ANKRD10: variants seen among roughly 807,000 people sequenced by gnomAD.
ANKRD10 encodes ankyrin repeat domain 10, also known as ankyrin repeat domain-containing protein 10.
ANKRD10 carries 14 observed loss-of-function variants against 27.0 expected under a neutral mutation model. The ratio of observed to expected loss-of-function variants is 0.52; its 90% confidence interval spans 0.34 to 0.81. The LOEUF (loss-of-function observed/expected upper bound fraction) is 0.81. Ranked by LOEUF, ANKRD10 falls within the 40% of genes least tolerant of loss-of-function variation. ANKRD10 has a pLI of 0.01. For synonymous variants in ANKRD10, 250 were observed against 224.5 expected (o/e 1.11, Z -1.01); for missense variants, 493 against 544.0 (o/e 0.91, Z 0.93).
chr13:110,891,945 T>G (rs2065086094), intron 4 of ANKRD10, among the ~76,000 whole-genome samples: 1 of 146,292 alleles, frequency 6.8e-6, no homozygotes, highest in Admixed American at 6.9e-5. Context: ...ACTCCTGAGC[T>G]CAAGTAATCC....
In ANKRD10 at chr13:110,878,623, CATTT is replaced by C. The variant is rs1190287647; in HGVS notation, c.*1010_*1013del. The C allele has an allele frequency of 2.0e-5, 3 of 152,426 alleles. No homozygotes were observed. The highest frequency in any genetic ancestry group is 7.2e-5 in the African/African-American group (3 of 41,426). The allele number at this position is 152,426 out of a possible 1,614,324, so 9.4% of individuals were successfully genotyped here. A position where few individuals can be genotyped will look rare whatever the true frequency, so the allele number is the denominator to read the frequency against. ...AACACTCTTAGAACACTGGTTTGTT[CATTT>C]GACATTTTATCTGCACCAATTTTTA... On this transcript the variant is annotated 3_prime_UTR_variant, in exon 6 of 6. Transcript: ENST00000267339.
chr13:110,910,878 G>T, intron 1 of ANKRD10, 108 bp from the exon 2 acceptor site: 1 of 1,175,748 alleles, frequency 8.5e-7, no homozygotes, highest in Non-Finnish European at 1.2e-6. Context: ...ATTGTTACCA[G>T]TTTTTTAACA....
intron 3 of ANKRD10, chr13:110,899,259 CTA>C (rs1216598816): frequency 6.6e-6 from 1 of 152,198 alleles, no homozygotes; most frequent in East Asian, 1.9e-4. Context: ...GTCTCAAAAA[CTA>C]TTTTGAATGC....
chr13:110,889,865 A>G (rs1462720909), intron 4 of ANKRD10, among the ~76,000 whole-genome samples: 4 of 152,338 alleles, frequency 2.6e-5, no homozygotes, highest in Middle Eastern at 3.4e-3. Context: ...AACAGAACGC[A>G]CTAAGTTTTA....
intron 5 of ANKRD10, chr13:110,883,289 G>A (rs1170611339): frequency 3.1e-5 from 5 of 158,824 alleles, no homozygotes; most frequent in African/African-American, 4.8e-5. Context: ...TAGCATGTTC[G>A]GTATATTCAC....
intron 2 of ANKRD10, among the ~76,000 whole-genome samples, chr13:110,908,437 A>G (rs1248393964): frequency 6.6e-6 from 1 of 152,214 alleles, no homozygotes; most frequent in Admixed American, 6.5e-5. Flanking sequence ...ATCTCACCTC[A>G]GAGACTGCCA....
chr13:110,902,168 C>T (rs1319073835), intron 3 of ANKRD10, among the ~76,000 whole-genome samples: 1 of 150,694 alleles, frequency 6.6e-6, no homozygotes, highest in Non-Finnish European at 1.5e-5. Context: ...GATTTTGTAA[C>T]TGAAATATTA....
At chr13:110,913,423 G>C (rs1432916348) in intron 1 of ANKRD10, among the ~76,000 whole-genome samples, 1 of 152,214 alleles carries the variant, frequency 6.6e-6, no homozygotes, top group African/African-American at 2.4e-5. Flanking sequence ...GTTTTCTCCA[G>C]CAGGTACTAC....
intron 3 of ANKRD10, among the ~76,000 whole-genome samples, chr13:110,896,609 G>A (rs1261390675): frequency 6.6e-6 from 1 of 152,212 alleles, no homozygotes; most frequent in Non-Finnish European, 1.5e-5. Context: ...ATCTAATCCA[G>A]AAGGCACTTT....
intron 3 of ANKRD10, chr13:110,894,455 A>G: frequency 3.6e-6 from 1 of 274,448 alleles, no homozygotes; most frequent in Non-Finnish European, 6.8e-6. Flanking sequence ...AAAACTACAG[A>G]ATTAGGGACA....
At chr13:110,880,401 C>T (rs1566443423) in intron 5 of ANKRD10, among the ~76,000 whole-genome samples, 1 of 152,194 alleles carries the variant, frequency 6.6e-6, no homozygotes, top group Non-Finnish European at 1.5e-5. Flanking sequence ...AATACCAACA[C>T]AGTCCTGAAA....
At chr13:110,886,925 TGTCAG>T (rs1452880593) in intron 4 of ANKRD10, among the ~76,000 whole-genome samples, 1 of 152,208 alleles carries the variant, frequency 6.6e-6, no homozygotes, top group Non-Finnish European at 1.5e-5. Flanking sequence ...TAAAAGCAGG[TGTCAG>T]GTGTCTGTTG....
intron 3 of ANKRD10, chr13:110,900,510 C>T: frequency 1.6e-6 from 2 of 1,266,646 alleles, no homozygotes; most frequent in Non-Finnish European, 2.0e-6. Flanking sequence ...AGCGTTAAAA[C>T]CAATCACCGC....
chr13:110,883,453 C>A, intron 5 of ANKRD10: 1 of 1,188,614 alleles, frequency 8.4e-7, no homozygotes, highest in Non-Finnish European at 1.1e-6. Flanking sequence ...TACAAACTTG[C>A]CCAAGATATG....
intron 2 of ANKRD10, among the ~76,000 whole-genome samples, chr13:110,909,744 G>C (rs1264482119): frequency 6.6e-6 from 1 of 152,122 alleles, no homozygotes; most frequent in Non-Finnish European, 1.5e-5. Flanking sequence ...TTAGAAGAGG[G>C]ACTAGCAACA....
intron 4 of ANKRD10, among the ~76,000 whole-genome samples, chr13:110,890,668 CA>C (rs2065050935): frequency 2.0e-5 from 3 of 152,194 alleles, no homozygotes; most frequent in African/African-American, 7.2e-5. Flanking sequence ...TGTGTACCTG[CA>C]ACAGTGGCTC....
intron 2 of ANKRD10, among the ~76,000 whole-genome samples, chr13:110,907,330 A>G (rs911257916): frequency 1.6e-4 from 25 of 152,176 alleles, no homozygotes; most frequent in Non-Finnish European, 2.4e-4. Flanking sequence ...GAATACTCAC[A>G]CTGCAACCTC....
intron 5 of ANKRD10, among the ~76,000 whole-genome samples, chr13:110,880,771 A>G (rs946420327): frequency 6.6e-6 from 1 of 152,226 alleles, no homozygotes; most frequent in African/African-American, 2.4e-5. Flanking sequence ...GCCAAATGCC[A>G]CATGAGAGCA....
chr13:110,887,028 CAG>C (rs1159558562), intron 4 of ANKRD10, among the ~76,000 whole-genome samples: 4 of 152,268 alleles, frequency 2.6e-5, no homozygotes, highest in Middle Eastern at 3.4e-3. Context: ...CCTCCCTGCT[CAG>C]AGATACAGCC....
Sources: gnomAD v4.1 joint callset for allele counts (sites outside exome capture counted in the v4.1 genomes callset) on GRCh38, gnomAD v4.1.1 for gene constraint, MANE v1.5 for transcripts, NCBI Gene and HGNC (gene_info 2026-07-23, HGNC 2026-07-21) for gene names.